The following ST18 variants were observed in gnomAD, a reference collection of about 807,000 sequenced individuals.
ST18 encodes suppression of tumorigenicity 18 protein.
In ST18, 50 loss-of-function variants were observed where a neutral mutation model predicts 110.0. The ratio of observed to expected loss-of-function variants is 0.45; its 90% CI spans 0.36 to 0.58. ST18 has a LOEUF of 0.58. Among genes scored for constraint, ST18 ranks in the 20% least tolerant of loss-of-function variants. ST18 has a pLI of 0.00. For missense variants in ST18, 1,306 were observed against 1,280.1 expected (o/e 1.02, Z -0.31); for synonymous variants, 461 against 452.4 (o/e 1.02, Z -0.24).
chr8:52,189,165 G>A (rs746336167), intron 8 of ST18, among the ~76,000 whole-genome samples: 2 of 152,070 alleles, frequency 1.3e-5, no homozygotes, highest in Non-Finnish European at 2.9e-5. Context: ...TCACACCACA[G>A]CATCTGGCTT....
At chr8:52,202,772 C>T (rs902683923) in intron 8 of ST18, among the ~76,000 whole-genome samples, 11 of 152,132 alleles carry the variant, frequency 7.2e-5, no homozygotes, top group Non-Finnish European at 1.2e-4. Flanking sequence ...TGTTTTATAT[C>T]ATGAAAAATC....
chr8:52,397,648 T>A (rs900315694), intron 2 of ST18, among the ~76,000 whole-genome samples: 52 of 152,290 alleles, frequency 3.4e-4, no homozygotes, highest in African/African-American at 1.3e-3. Context: ...AAAAGTCCAG[T>A]TTTATTCATT....
intron 6 of ST18, among the ~76,000 whole-genome samples, chr8:52,216,847 A>C (rs557689287): frequency 6.6e-6 from 1 of 152,326 alleles, no homozygotes; most frequent in African/African-American, 2.4e-5. Flanking sequence ...ACCTTGTCCA[A>C]GTAATGGATC....
chr8:52,306,028 C>T (rs562665768), intron 2 of ST18, among the ~76,000 whole-genome samples: 37 of 152,214 alleles, frequency 2.4e-4, no homozygotes, highest in Non-Finnish European at 3.5e-4. Flanking sequence ...TGTGGCCTGA[C>T]GTCCTCCCCT....
intron 3 of ST18, among the ~76,000 whole-genome samples, chr8:52,223,882 T>C (rs16917522): frequency 0.22 from 34,022 of 152,024 alleles, 4,282 homozygotes; most frequent in African/African-American, 0.33. Flanking sequence ...ATATAAACCA[T>C]AGCATCCTCT....
At chr8:52,315,133 A>G (rs939176603) in intron 2 of ST18, among the ~76,000 whole-genome samples, 2 of 152,238 alleles carry the variant, frequency 1.3e-5, no homozygotes, top group African/African-American at 4.8e-5. Flanking sequence ...AATAAGCTAA[A>G]ACAATTAAAG....
intron 2 of ST18, among the ~76,000 whole-genome samples, chr8:52,332,127 T>G (rs1441193267): frequency 1.3e-5 from 2 of 152,094 alleles, no homozygotes; most frequent in African/African-American, 4.8e-5. Flanking sequence ...TTTGCCATTA[T>G]AAGTATAACC....
chr8:52,357,607 A>G (rs1262173084), intron 2 of ST18, among the ~76,000 whole-genome samples: 1 of 147,034 alleles, frequency 6.8e-6, no homozygotes, highest in Non-Finnish European at 1.5e-5. Context: ...ATCAACAAAA[A>G]GTTCAATCCA....
chr8:52,281,406 A>G (rs1175864072), intron 2 of ST18, among the ~76,000 whole-genome samples: 1 of 152,198 alleles, frequency 6.6e-6, no homozygotes, highest in Non-Finnish European at 1.5e-5. Context: ...GAGACTAAAG[A>G]AAAAATTAAG....
At chr8:52,303,071 A>G (rs1205586289) in intron 2 of ST18, among the ~76,000 whole-genome samples, 1 of 152,206 alleles carries the variant, frequency 6.6e-6, no homozygotes, top group Non-Finnish European at 1.5e-5. Flanking sequence ...CCTGGCAGAT[A>G]CTGCCTTGTG....
chr8:52,113,947 A>C (rs1302230845), intron 25 of ST18, among the ~76,000 whole-genome samples: 5 of 105,098 alleles, frequency 4.8e-5, no homozygotes, highest in Non-Finnish European at 8.1e-5. Context: ...AAATTTATTC[A>C]TACCGTGTTT....
At chr8:52,332,900 T>G (rs1298011020) in intron 2 of ST18, among the ~76,000 whole-genome samples, 1 of 152,182 alleles carries the variant, frequency 6.6e-6, no homozygotes, top group African/African-American at 2.4e-5. Flanking sequence ...GTCCTGCCTA[T>G]GCACAAGGCA....
At chr8:52,169,347 C>A (rs2064021461) in intron 10 of ST18, among the ~76,000 whole-genome samples, 1 of 152,120 alleles carries the variant, frequency 6.6e-6, no homozygotes, top group Non-Finnish European at 1.5e-5. Flanking sequence ...TCATCCACAC[C>A]TGATGTACTC....
intron 8 of ST18, among the ~76,000 whole-genome samples, chr8:52,202,734 G>GCCTAGAAC (rs1440793069): frequency 6.6e-6 from 1 of 152,162 alleles, no homozygotes; most frequent in East Asian, 1.9e-4. Context: ...GCCAGGCATG[G>GCCTAGAAC]CCTAGAACAG....
intron 8 of ST18, among the ~76,000 whole-genome samples, chr8:52,185,919 A>G (rs1207491812): frequency 6.6e-6 from 1 of 152,228 alleles, no homozygotes; most frequent in African/African-American, 2.4e-5. Context: ...AATTTAAAGG[A>G]AAACACTGAC....
chr8:52,221,353 A>G (rs2086672817), intron 4 of ST18, among the ~76,000 whole-genome samples: 1 of 152,158 alleles, frequency 6.6e-6, no homozygotes, highest in South Asian at 2.1e-4. Flanking sequence ...CATGATACCA[A>G]TCCTTTTGCT....
chr8:52,366,797 A>G (rs2140522877), intron 2 of ST18, among the ~76,000 whole-genome samples: 1 of 152,330 alleles, frequency 6.6e-6, no homozygotes, highest in Middle Eastern at 3.4e-3. Context: ...TTATCAGTTT[A>G]CCATTGTAAT....
At chr8:52,308,722 A>C (rs932514659) in intron 2 of ST18, among the ~76,000 whole-genome samples, 1 of 152,224 alleles carries the variant, frequency 6.6e-6, no homozygotes, top group South Asian at 2.1e-4. Context: ...GGAGGGCAGA[A>C]GCCTCCAAGG....
chr8:52,214,432 G>T, intron 6 of ST18, 175 bp from the exon 7 acceptor site: 1 of 591,740 alleles, frequency 1.7e-6, no homozygotes, highest in South Asian at 2.3e-5. Context: ...CACCAGCTTT[G>T]GAAATACATC....
Sources: allele counts gnomAD v4.1 joint callset (sites outside exome capture counted in the v4.1 genomes callset), GRCh38; gene constraint gnomAD v4.1.1; transcripts MANE v1.5; gene names NCBI Gene and HGNC (gene_info 2026-07-23, HGNC 2026-07-21).